The following GART variants were observed in gnomAD, a reference collection of about 807,000 sequenced individuals.
GART encodes trifunctional purine biosynthetic protein adenosine-3.
A neutral mutation model predicts 107.2 loss-of-function variants in GART; 43 were observed. That is an observed-to-expected ratio of 0.40 (90% confidence interval 0.31 to 0.52). The LOEUF is 0.52. GART is among the 20% of genes least tolerant of loss of function. GART has a pLI of 0.52. For synonymous variants in GART, 434 were observed against 427.0 expected, an observed-to-expected ratio of 1.02 and a Z score of -0.20; for missense variants, 1,107 against 1,206.5, an observed-to-expected ratio of 0.92 and a Z score of 1.22.
chr21:33,520,545 A>G lies in GART; in HGVS notation c.1521T>C (p.Asn507=). The change falls in exon 14 of 22, where the codon AAT becomes AAC. Residue 507 remains asparagine, a synonymous_variant. Coordinates refer to ENST00000381815, the MANE Select transcript of GART (RefSeq NM_000819.5). ...GTKLKIAQLC[N]KHDTIGQDLV... ...AATCTTGACCAATGGTATCATGTTT[A>G]TTGCATAGCTGGGCAATCTATGTAA... 1 of 1,614,040 alleles carries G rather than the reference A, an allele frequency of 6.2e-7. No homozygotes were observed. Among genetic ancestry groups the G allele is most frequent in the African/African-American group, 1.3e-5 (1 of 75,062 alleles).
At chr21:33,521,793 C>T (rs1356577955) in intron 12 of GART, among the ~76,000 whole-genome samples, 1 of 151,656 alleles carries the variant, frequency 6.6e-6, no homozygotes, top group Non-Finnish European at 1.5e-5. Context: ...AATCATGTCT[C>T]TACAAAAATA....
rs2085280753 is a variant in GART at position 33,535,247 on chromosome 21, T to A, written c.219A>T (p.Gly73=). The A allele has an allele frequency of 6.5e-7, 1 of 1,537,860 alleles. No homozygotes were observed. The highest frequency in any genetic ancestry group is 1.4e-5 in the African/African-American group (1 of 70,974). ...TACCAGCAGCCAGAGGTGCTTCTGG[T>A]CCAACAACTACAAATTCAATTTTCT... ...KEKKIEFVVV[G]PEAPLAAGIV... is the part of the protein sequence containing the mutation. The change falls in exon 3 of 22, where the codon GGA becomes GGT. Residue 73 remains glycine, a synonymous_variant. Transcript: ENST00000381815.
intron 4 of GART, among the ~76,000 whole-genome samples, 189 bp from the exon 5 acceptor site, chr21:33,532,645 T>C (rs567784420): frequency 6.6e-6 from 1 of 152,362 alleles, no homozygotes; most frequent in East Asian, 1.9e-4. Flanking sequence ...TCCTTTGTAG[T>C]TCCAATCATA....
chr21:33,509,364 A>G (rs1239689122), intron 18 of GART: 1 of 156,040 alleles, frequency 6.4e-6, no homozygotes, highest in East Asian at 1.9e-4. Flanking sequence ...TACTTACAAT[A>G]GAGGGAAAAA....
intron 16 of GART, among the ~76,000 whole-genome samples, chr21:33,513,830 G>GC (rs1330016676): frequency 6.6e-6 from 1 of 152,152 alleles, no homozygotes. Flanking sequence ...TAATGGCAGG[G>GC]CAAGTAGCAG....
At chr21:33,528,006 T>C (rs1380965669) in intron 10 of GART, among the ~76,000 whole-genome samples, 161 bp downstream of exon 10, 3 of 152,158 alleles carry the variant, frequency 2.0e-5, no homozygotes, top group African/African-American at 7.2e-5. Context: ...TTGCGGATAT[T>C]TGAACACACA....
intron 14 of GART, chr21:33,518,790 C>T: frequency 2.0e-6 from 1 of 492,428 alleles, no homozygotes; most frequent in Non-Finnish European, 4.0e-6. Context: ...TTGGGCAGAG[C>T]TTCAGTCGGT....
intron 16 of GART, among the ~76,000 whole-genome samples, chr21:33,513,321 C>A (rs993511877): frequency 3.9e-5 from 6 of 152,042 alleles, no homozygotes; most frequent in African/African-American, 1.4e-4. Flanking sequence ...CCTGTAATCT[C>A]AGCACTTTAG....
chr21:33,516,996 T>C lies in GART; in HGVS notation c.2100A>G (p.Val700=). 1.3e-6 allele frequency: 2 copies of C among 1,595,764 alleles called. No homozygotes were observed. The highest frequency in any genetic ancestry group is 1.7e-6 in the Non-Finnish European group (2 of 1,175,306). The change falls in exon 16 of 22, where the codon GTA becomes GTG. Residue 700 remains valine, a synonymous_variant. Transcript: ENST00000381815. ...IPRVLPEKLG[V]DLDAQTWRIP... ...TCGTTTTAGTGATCTTACCTAAATCTACCCCAAGTTTCTCAGGGAGGACTC... is the reference window on the plus strand; with the variant it reads ...TCGTTTTAGTGATCTTACCTAAATCCACCCCAAGTTTCTCAGGGAGGACTC...
At chr21:33,518,644 T>TA (rs746381738) in intron 14 of GART, 7 of 398,014 alleles carry the variant, frequency 1.8e-5, no homozygotes, top group African/African-American at 4.2e-5. Flanking sequence ...AGTTACTTCA[T>TA]ATTTTTTCTT....
intron 2 of GART, among the ~76,000 whole-genome samples, chr21:33,536,989 A>T (rs887928920): frequency 1.3e-5 from 2 of 152,200 alleles, no homozygotes; most frequent in Admixed American, 1.3e-4. Flanking sequence ...AGTCCAGAAA[A>T]GGTAGGGTCC....
chr21:33,528,820 T>TAG, intron 8 of GART, 30 bp downstream of exon 8: 1 of 1,463,652 alleles, frequency 6.8e-7, no homozygotes, highest in South Asian at 1.2e-5. Flanking sequence ...ACTCTATAGG[T>TAG]GGCTTCCATA....
chr21:33,504,152 C>G lies in GART; in HGVS notation c.3005G>C (p.Gly1002Ala). ...ASGTVQLGEN[G>A]KICWVKEE ...TTCCTCTTTAACCCAACAGATCTTGCCATTTTCTCCAAGCTGTACAGTTCC... is the reference window on the plus strand; with the variant it reads ...TTCCTCTTTAACCCAACAGATCTTGGCATTTTCTCCAAGCTGTACAGTTCC... Residue 1002 changes from glycine (G) to alanine (A), a missense_variant, in exon 22 of 22, where the codon GGC becomes GCC. Gly to Ala is a moderately conservative substitution (Grantham distance 60). Coordinates refer to ENST00000381815, the MANE Select transcript of GART (RefSeq NM_000819.5). 6 of 1,613,352 alleles carry G rather than the reference C, an allele frequency of 3.7e-6. No homozygotes were observed. The highest frequency in any genetic ancestry group is 4.2e-6 in the Non-Finnish European group (5 of 1,179,566).
intron 1 of GART, among the ~76,000 whole-genome samples, 191 bp downstream of exon 1, chr21:33,541,874 G>A (rs995578545): frequency 6.6e-6 from 1 of 152,094 alleles, no homozygotes; most frequent in Non-Finnish European, 1.5e-5. Flanking sequence ...AACAGGAAAA[G>A]TAAAAGAGCA....
At chr21:33,525,989 C>G (rs1420114669) in intron 10 of GART, among the ~76,000 whole-genome samples, 1 of 151,596 alleles carries the variant, frequency 6.6e-6, no homozygotes, top group Non-Finnish European at 1.5e-5. Context: ...CCTGCCTCAG[C>G]CTCCTGAGTA....
chr21:33,511,021 C>T (rs911548681), intron 17 of GART, among the ~76,000 whole-genome samples: 2 of 152,010 alleles, frequency 1.3e-5, no homozygotes, highest in African/African-American at 4.8e-5. Flanking sequence ...CTTTGGGAAG[C>T]GATCCTGTGG....
chr21:33,505,478 A>T, intron 20 of GART, 83 bp downstream of exon 20: 1 of 1,224,354 alleles, frequency 8.2e-7, no homozygotes, highest in Non-Finnish European at 1.1e-6. Flanking sequence ...GGTGTTCACT[A>T]CTGGGATTGT....
intron 10 of GART, among the ~76,000 whole-genome samples, chr21:33,525,233 A>C (rs2085050681): frequency 6.6e-6 from 1 of 151,976 alleles, no homozygotes; most frequent in South Asian, 2.1e-4. Context: ...TAAATAAATA[A>C]ATAAATAAAT....
chr21:33,521,901 G>C (rs2084979638), intron 12 of GART, among the ~76,000 whole-genome samples: 1 of 144,022 alleles, frequency 6.9e-6, no homozygotes, highest in Admixed American at 7.2e-5. Context: ...AGAGGTTGCA[G>C]TGAGCCGAGA....
Sources: gnomAD v4.1 joint callset for allele counts (sites outside exome capture counted in the v4.1 genomes callset) on GRCh38, gnomAD v4.1.1 for gene constraint, MANE v1.5 for transcripts, NCBI Gene and HGNC (gene_info 2026-07-23, HGNC 2026-07-21) for gene names.